Variants in SPAG1 observed in about 807,000 individuals in gnomAD.
SPAG1 encodes the protein sperm-associated antigen 1.
In SPAG1, 69 loss-of-function variants were observed where a neutral mutation model predicts 100.5. The ratio of observed to expected loss-of-function variants is 0.69; its 90% CI spans 0.57 to 0.84. SPAG1 has a LOEUF of 0.84. Among genes scored for constraint, SPAG1 ranks in the 40% least tolerant of loss-of-function variants. The probability of loss-of-function intolerance (pLI) is 0.00; values close to 1 mark genes in which losing one functional copy is unlikely to be tolerated. For synonymous variants in SPAG1, 336 were observed against 411.6 expected (o/e 0.82, Z 2.22); for missense variants, 955 against 1,133.1 (o/e 0.84, Z 2.26).
At chr8:100,169,191 G>C (rs1195893811) in intron 3 of SPAG1, among the ~76,000 whole-genome samples, 1 of 151,924 alleles carries the variant, frequency 6.6e-6, no homozygotes, top group Non-Finnish European at 1.5e-5. Flanking sequence ...ATTGGTGTTT[G>C]AACAAAAAGT....
chr8:100,234,782 G>C (rs1338312978), intron 16 of SPAG1, among the ~76,000 whole-genome samples: 1 of 152,192 alleles, frequency 6.6e-6, no homozygotes, highest in Non-Finnish European at 1.5e-5. Context: ...AGTGGGGATA[G>C]AGGGAGATGG....
intron 12 of SPAG1, among the ~76,000 whole-genome samples, chr8:100,216,571 G>C (rs1314925762): frequency 1.3e-5 from 2 of 152,160 alleles, no homozygotes; most frequent in Non-Finnish European, 2.9e-5. Context: ...GTCGGTTTAG[G>C]TAGGTTGTGC....
chr8:100,183,275 C>T (rs1185178068), intron 4 of SPAG1, 100 bp from the exon 5 acceptor site: 4 of 592,858 alleles, frequency 6.7e-6, no homozygotes, highest in East Asian at 6.7e-5. Flanking sequence ...ACCTGGCTTC[C>T]ATTTGTATAT....
chr8:100,199,555 C>A (rs1046392982), intron 10 of SPAG1, among the ~76,000 whole-genome samples: 1 of 152,158 alleles, frequency 6.6e-6, no homozygotes, highest in East Asian at 1.9e-4. Flanking sequence ...AAGCAATTCT[C>A]CTGCCTCAGC....
chr8:100,177,701 T>G, intron 3 of SPAG1, 115 bp from the exon 4 acceptor site: 1 of 516,048 alleles, frequency 1.9e-6, no homozygotes, highest in Non-Finnish European at 3.1e-6. Flanking sequence ...AAAATCCACA[T>G]ATAAGTGGAC....
At position 100,233,446 on chromosome 8, in the gene SPAG1, A is replaced by G. The variant is rs1242410532; in HGVS notation, c.2024A>G (p.Glu675Gly). ...LCYLKLCQFE[E>G]AKQDCDQALQ... The stretch of plus-strand genomic sequence containing the variant: ...TACTTGAAGCTGTGCCAGTTTGAAG[A>G]AGCAAAGCAGGACTGTGATCAGGCA... Residue 675 changes from glutamate to glycine, a missense_variant, in exon 16 of 19, where the codon GAA becomes GGA. Physicochemically the swap from Glu to Gly is moderately conservative, Grantham distance 98. Transcript: ENST00000388798. 2 of 1,614,122 alleles carry G rather than the reference A, an allele frequency of 1.2e-6. No individual in the cohort carries two copies. The highest frequency in any genetic ancestry group is 4.5e-5 in the East Asian group (2 of 44,890).
At chr8:100,169,418 A>G (rs1469252520) in intron 3 of SPAG1, among the ~76,000 whole-genome samples, 1 of 152,210 alleles carries the variant, frequency 6.6e-6, no homozygotes, top group Non-Finnish European at 1.5e-5. Flanking sequence ...CAACACAGCA[A>G]GACCTCATCT....
chr8:100,195,080 G>A (rs1001570665), intron 10 of SPAG1, among the ~76,000 whole-genome samples: 6 of 151,378 alleles, frequency 4.0e-5, no homozygotes, highest in Non-Finnish European at 8.8e-5. Context: ...CAGGAGAGTG[G>A]CTTAAACCCG....
Position 100,165,844 on chromosome 8 carries a change from T to C in SPAG1, c.171T>C (p.Leu57=). The C allele has an allele frequency of 6.2e-7, 1 of 1,613,928 alleles. No homozygotes were observed. Among genetic ancestry groups the C allele is most frequent in the African/African-American group, 1.3e-5 (1 of 75,048 alleles). ...GTGAGGAAGGATATTATCCTGAACT[T>C]ACAGAATTTTGTGAAAAGCATCTTC... ...RSGEEGYYPE[L]TEFCEKHLQA... is the part of the protein sequence containing the mutation. Residue 57 remains leucine, a synonymous_variant, in exon 3 of 19, where the codon CTT becomes CTC. Coordinates refer to ENST00000388798, the MANE Select transcript of SPAG1 (RefSeq NM_003114.5).
intron 14 of SPAG1, among the ~76,000 whole-genome samples, chr8:100,230,456 T>C (rs1338800905): frequency 6.6e-6 from 1 of 152,198 alleles, no homozygotes; most frequent in Non-Finnish European, 1.5e-5. Flanking sequence ...TGTGCAGCCT[T>C]ATTGGAGACT....
chr8:100,206,453 C>T (rs1001409916), intron 10 of SPAG1, among the ~76,000 whole-genome samples: 3 of 152,186 alleles, frequency 2.0e-5, no homozygotes, highest in African/African-American at 7.2e-5. Context: ...CACACTGGTA[C>T]ATTATATTGA....
At chr8:100,234,052 GC>G (rs1394425911) in intron 16 of SPAG1, among the ~76,000 whole-genome samples, 3 of 152,166 alleles carry the variant, frequency 2.0e-5, no homozygotes, top group Non-Finnish European at 4.4e-5. Context: ...AGAAAACCAT[GC>G]CATTAGTTTA....
chr8:100,212,957 C>A (rs1416779652), intron 10 of SPAG1, 133 bp from the exon 11 acceptor site: 16 of 668,662 alleles, frequency 2.4e-5, no homozygotes, highest in Non-Finnish European at 3.5e-5. Flanking sequence ...AGGCTCCGCC[C>A]GCAGGGGCGG....
intron 10 of SPAG1, 182 bp downstream of exon 10, chr8:100,194,450 C>T: frequency 1.3e-6 from 1 of 797,736 alleles, no homozygotes; most frequent in Non-Finnish European, 2.0e-6. Context: ...CTCTCAAACC[C>T]ATTTTCCTTC....
chr8:100,204,887 C>A (rs1381933889), intron 10 of SPAG1, among the ~76,000 whole-genome samples: 14 of 152,112 alleles, frequency 9.2e-5, no homozygotes, highest in Admixed American at 9.2e-4. Flanking sequence ...GTGGCAGGAG[C>A]CAAGTGGTGG....
At position 100,213,072 on chromosome 8, in the gene SPAG1, G is replaced by A. The variant is rs1226448704; in HGVS notation, c.1097-18G>A. On this transcript the variant is annotated intron_variant, in intron 10 of 18. Coordinates refer to ENST00000388798, the MANE Select transcript of SPAG1 (RefSeq NM_003114.5). ...CCGGTGATGCAAACCCTCACTTCCCGCATCCACTTCCTCACAGAGCCCGCG... is the reference window on the plus strand; with the variant it reads ...CCGGTGATGCAAACCCTCACTTCCCACATCCACTTCCTCACAGAGCCCGCG... The A allele has an allele frequency of 6.9e-7, 1 of 1,444,666 alleles. No individual in the cohort carries two copies. Among genetic ancestry groups the A allele is most frequent in the Admixed American group, 2.8e-5 (1 of 35,374 alleles). 89.5% of individuals were successfully genotyped at this position (1,444,666 alleles called of 1,614,324 possible). A position where few individuals can be genotyped will look rare whatever the true frequency, so the allele number is the denominator to read the frequency against.
chr8:100,166,067 G>A (rs1815537591), intron 3 of SPAG1, 94 bp downstream of exon 3: 9 of 1,149,896 alleles, frequency 7.8e-6, no homozygotes, highest in Admixed American at 2.7e-5. Flanking sequence ...TTGTTTGTCC[G>A]TAAAGGGCTT....
intron 3 of SPAG1, among the ~76,000 whole-genome samples, chr8:100,175,620 C>T (rs1488779518): frequency 1.3e-5 from 2 of 152,018 alleles, no homozygotes; most frequent in African/African-American, 2.4e-5. Context: ...CTTTGTGACC[C>T]CCTGATCTAG....
At chr8:100,207,252 C>T (rs1369197315) in intron 10 of SPAG1, among the ~76,000 whole-genome samples, 1 of 152,138 alleles carries the variant, frequency 6.6e-6, no homozygotes, top group East Asian at 1.9e-4. Flanking sequence ...TATATGTGAT[C>T]AGGCTCAAGC....
Sources: allele counts gnomAD v4.1 joint callset (sites outside exome capture counted in the v4.1 genomes callset), GRCh38; gene constraint gnomAD v4.1.1; transcripts MANE v1.5; gene names NCBI Gene and HGNC (gene_info 2026-07-23, HGNC 2026-07-21).